The following MYO5B variants were observed in gnomAD, a reference collection of about 807,000 sequenced individuals.
MYO5B encodes the protein myosin VB.
In MYO5B, 143 loss-of-function variants were observed where a neutral mutation model predicts 229.3. The ratio of observed to expected loss-of-function variants is 0.62; its 90% CI spans 0.54 to 0.72. The LOEUF is 0.72. MYO5B is among the 30% of genes least tolerant of loss of function. The pLI, the probability that MYO5B is intolerant of heterozygous loss-of-function variation, is 0.00. For missense variants in MYO5B, 2,321 were observed against 2,331.0 expected (o/e 1.00, Z 0.09); for synonymous variants, 918 against 885.2 (o/e 1.04, Z -0.66).
chr18:50,091,232 G>A (rs1031631011), intron 1 of MYO5B, among the ~76,000 whole-genome samples: 1 of 152,172 alleles, frequency 6.6e-6, no homozygotes, highest in African/African-American at 2.4e-5. Context: ...AGGGAGTGGA[G>A]GCCCATCTCA....
Position 49,864,139 on chromosome 18 carries a change from A to C in MYO5B, c.3843+2T>G, listed in dbSNP as rs1598841406. On this transcript the variant is annotated splice_donor_variant, in intron 28 of 39. Transcript: ENST00000285039. LOFTEE classifies it high-confidence loss of function. Reference sequence around the variant, plus strand: ...CCCCACCGCGGGCCGCCATCTTGTTACCGCGTTCCTGCCGGCGAGTCGCCG... The same window carrying C: ...CCCCACCGCGGGCCGCCATCTTGTTCCCGCGTTCCTGCCGGCGAGTCGCCG... The C allele has an allele frequency of 6.2e-7, 1 of 1,607,650 alleles. No homozygotes were observed. Among genetic ancestry groups the C allele is most frequent in the Non-Finnish European group, 8.5e-7 (1 of 1,179,824 alleles).
At chr18:49,871,336 T>A (rs1335353780) in intron 27 of MYO5B, among the ~76,000 whole-genome samples, 1 of 152,114 alleles carries the variant, frequency 6.6e-6, no homozygotes, top group African/African-American at 2.4e-5. Context: ...TGAAAAGAGT[T>A]ATGGAGATAA....
At chr18:49,999,241 T>C (rs1285138292) in intron 5 of MYO5B, among the ~76,000 whole-genome samples, 1 of 152,230 alleles carries the variant, frequency 6.6e-6, no homozygotes, top group East Asian at 1.9e-4. Context: ...GGACAGAATC[T>C]TGAAACTCAG....
At chr18:50,076,031 C>A (rs754213875) in intron 1 of MYO5B, among the ~76,000 whole-genome samples, 2 of 152,214 alleles carry the variant, frequency 1.3e-5, no homozygotes, top group Admixed American at 6.5e-5. Flanking sequence ...CCCCTGTTAA[C>A]CCTCCACTGA....
intron 1 of MYO5B, among the ~76,000 whole-genome samples, chr18:50,071,922 G>A (rs1243186851): frequency 6.6e-6 from 1 of 152,228 alleles, no homozygotes; most frequent in Non-Finnish European, 1.5e-5. Flanking sequence ...CTGTTAACAG[G>A]AGACAAATCA....
intron 1 of MYO5B, among the ~76,000 whole-genome samples, chr18:50,141,885 G>A (rs1442276489): frequency 1.3e-5 from 2 of 152,176 alleles, no homozygotes; most frequent in Non-Finnish European, 2.9e-5. Context: ...TCTAAAGGGG[G>A]TAAAGACCAA....
intron 1 of MYO5B, among the ~76,000 whole-genome samples, chr18:50,109,070 T>TA (rs1290621244): frequency 1.3e-5 from 2 of 152,202 alleles, no homozygotes; most frequent in African/African-American, 4.8e-5. Flanking sequence ...GAGTGATTTT[T>TA]AAAGCCCTAG....
At chr18:50,090,086 T>C (rs1246481674) in intron 1 of MYO5B, among the ~76,000 whole-genome samples, 13 of 152,138 alleles carry the variant, frequency 8.5e-5, no homozygotes, top group Admixed American at 8.5e-4. Context: ...TCCCTTTGTC[T>C]CTGTACGAGG....
intron 21 of MYO5B, among the ~76,000 whole-genome samples, chr18:49,895,835 C>A (rs1402654616): frequency 6.6e-6 from 1 of 152,194 alleles, no homozygotes; most frequent in Non-Finnish European, 1.5e-5. Context: ...GTGAAACAGC[C>A]CCCATGGGCC....
intron 14 of MYO5B, among the ~76,000 whole-genome samples, chr18:49,948,750 G>C (rs1460397493): frequency 6.6e-6 from 1 of 151,806 alleles, no homozygotes; most frequent in Non-Finnish European, 1.5e-5. Context: ...TCCTTGACAA[G>C]CTGAAGTCAA....
At chr18:49,888,962 C>A (rs1342230052) in intron 22 of MYO5B, among the ~76,000 whole-genome samples, 1 of 152,204 alleles carries the variant, frequency 6.6e-6, no homozygotes, top group East Asian at 1.9e-4. Flanking sequence ...CCTGCCTGCT[C>A]AGCCTGGACC....
chr18:50,112,508 T>C (rs4939938), intron 1 of MYO5B, among the ~76,000 whole-genome samples: 147,734 of 152,282 alleles, frequency 0.97, 71,849 homozygotes, highest in East Asian at 1. Context: ...GGGACCCCCA[T>C]GGCGCCTTAA....
chr18:49,980,577 G>A (rs1294536310), intron 8 of MYO5B, 24 bp from the exon 9 acceptor site: 1 of 1,470,006 alleles, frequency 6.8e-7, no homozygotes, highest in Admixed American at 1.7e-5. Context: ...ATGAATGGAT[G>A]ACACTCAGTA....
At chr18:50,162,397 A>G (rs2032780410) in intron 1 of MYO5B, among the ~76,000 whole-genome samples, 1 of 151,584 alleles carries the variant, frequency 6.6e-6, no homozygotes, top group African/African-American at 2.4e-5. Flanking sequence ...ACCAAAAGTT[A>G]AGGGAAGCAG....
At chr18:50,122,635 GAGAGAGAGAGAGAGAGA>G (rs1442908956) in intron 1 of MYO5B, among the ~76,000 whole-genome samples, 1,822 of 5,990 alleles carry the variant, frequency 0.3, 164 homozygotes, top group Middle Eastern at 0.62. Context: ...AAGGGGGGGG[GAGAGAGAGAGAGAGAGA>G]GAGAGAGAGA....
intron 1 of MYO5B, among the ~76,000 whole-genome samples, chr18:50,188,798 A>ACAC (rs1366718461): frequency 1.5e-5 from 2 of 129,724 alleles, no homozygotes; most frequent in Admixed American, 7.6e-5. Context: ...AAAAAAAAAA[A>ACAC]AAAAAAAAAA....
At chr18:49,880,518 T>A in intron 22 of MYO5B, 63 bp from the exon 23 acceptor site, 1 of 1,317,034 alleles carries the variant, frequency 7.6e-7, no homozygotes, top group Non-Finnish European at 1.1e-6. Context: ...GCTCCTCTTG[T>A]GGGATTTGAA....
intron 1 of MYO5B, among the ~76,000 whole-genome samples, chr18:50,058,130 C>A (rs1166787823): frequency 6.6e-6 from 1 of 152,198 alleles, no homozygotes; most frequent in Non-Finnish European, 1.5e-5. Flanking sequence ...CATATTCATT[C>A]ATTCATTGAT....
intron 10 of MYO5B, among the ~76,000 whole-genome samples, chr18:49,972,431 T>A (rs897609324): frequency 2.0e-5 from 3 of 152,164 alleles, no homozygotes; most frequent in Non-Finnish European, 4.4e-5. Context: ...CAAGGCACTG[T>A]TAAGATGATA....
Sources: gnomAD v4.1 joint callset for allele counts (sites outside exome capture counted in the v4.1 genomes callset) on GRCh38, gnomAD v4.1.1 for gene constraint, MANE v1.5 for transcripts, NCBI Gene and HGNC (gene_info 2026-07-23, HGNC 2026-07-21) for gene names.